The following LPCAT2 variants were observed in gnomAD, a reference collection of about 807,000 sequenced individuals.
LPCAT2 encodes the protein 1-AGP acyltransferase 11.
Under a neutral mutation model 64.7 loss-of-function variants are expected in LPCAT2, and 58 were observed. The ratio of observed to expected loss-of-function variants is 0.90; its 90% confidence interval spans 0.73 to 1.12. The LOEUF (loss-of-function observed/expected upper bound fraction) is 1.12, where lower values mean the gene tolerates loss of function less well. Among genes scored for constraint, LPCAT2 ranks in the 50% most tolerant of loss-of-function variants. The probability of loss-of-function intolerance (pLI) is 0.00; values close to 1 mark genes in which losing one functional copy is unlikely to be tolerated. For missense variants in LPCAT2, 579 were observed against 669.8 expected (o/e 0.86, Z 1.50); for synonymous variants, 252 against 245.3 (o/e 1.03, Z -0.26).
intron 11 of LPCAT2, among the ~76,000 whole-genome samples, chr16:55,561,983 A>G (rs545499773): frequency 6.6e-6 from 1 of 152,172 alleles, no homozygotes; most frequent in Admixed American, 6.5e-5. Flanking sequence ...CCCTAATAAT[A>G]GCTAGAATAA....
chr16:55,579,990 A>G (rs148298905), intron 13 of LPCAT2, among the ~76,000 whole-genome samples: 1 of 152,262 alleles, frequency 6.6e-6, no homozygotes, highest in African/African-American at 2.4e-5. Context: ...TGAGAAACAC[A>G]CCTCAATGGA....
chr16:55,553,636 A>G (rs1963543211), intron 11 of LPCAT2, among the ~76,000 whole-genome samples: 1 of 152,010 alleles, frequency 6.6e-6, no homozygotes, highest in African/African-American at 2.4e-5. Flanking sequence ...CTTCTTCCAA[A>G]CTCCTGTTAA....
At chr16:55,570,404 C>T (rs1963756078) in intron 11 of LPCAT2, among the ~76,000 whole-genome samples, 1 of 152,058 alleles carries the variant, frequency 6.6e-6, no homozygotes, top group Admixed American at 6.6e-5. Context: ...GGGCTGATTG[C>T]TTTGAGCCCA....
At chr16:55,526,943 G>A (rs1247150046) in intron 2 of LPCAT2, among the ~76,000 whole-genome samples, 1 of 152,106 alleles carries the variant, frequency 6.6e-6, no homozygotes, top group Non-Finnish European at 1.5e-5. Flanking sequence ...AGTGTTTAAT[G>A]GCTCAGAATA....
chr16:55,523,499 G>T (rs566178677), intron 1 of LPCAT2, among the ~76,000 whole-genome samples: 1 of 151,746 alleles, frequency 6.6e-6, no homozygotes, highest in East Asian at 1.9e-4. Context: ...TTCATATGAG[G>T]TATAATAGCT....
chr16:55,561,628 G>A (rs1269234805), intron 11 of LPCAT2, among the ~76,000 whole-genome samples: 1 of 151,848 alleles, frequency 6.6e-6, no homozygotes, highest in African/African-American at 2.4e-5. Flanking sequence ...GCACAAGGAG[G>A]CACATTTTAT....
chr16:55,572,449 A>C (rs1963780717), intron 11 of LPCAT2, among the ~76,000 whole-genome samples: 2 of 152,214 alleles, frequency 1.3e-5, no homozygotes, highest in Non-Finnish European at 2.9e-5. Context: ...TTGCAGAAGA[A>C]ATGTATCTAT....
rs764483576 is a variant in LPCAT2, at chr16:55,579,092, C to T, written c.1315-17C>T. The T allele has an allele frequency of 1.8e-5, 29 of 1,610,894 alleles. No individual in the cohort carries two copies. The East Asian group carries it at 4.2e-4, about 24-fold the overall frequency. ...ATGATCCTGAGGGAGCTAATTCTTA[C>T]ATTTTATTTTCTTCAGCTGTTTGAC... On this transcript the variant is annotated splice_polypyrimidine_tract_variant and intron_variant, in intron 12 of 13. Coordinates refer to ENST00000262134, the MANE Select transcript of LPCAT2 (RefSeq NM_017839.5).
At chr16:55,555,239 T>C (rs1236948526) in intron 11 of LPCAT2, among the ~76,000 whole-genome samples, 3 of 152,158 alleles carry the variant, frequency 2.0e-5, no homozygotes, top group African/African-American at 7.2e-5. Flanking sequence ...ACATGAGATA[T>C]GCCTGTATGT....
chr16:55,520,614 TA>T (rs1188642300), intron 1 of LPCAT2, among the ~76,000 whole-genome samples: 1 of 151,954 alleles, frequency 6.6e-6, no homozygotes, highest in Non-Finnish European at 1.5e-5. Context: ...TGCTGGGTCA[TA>T]AAAAACCTCA....
At position 55,569,394 on chromosome 16, in the gene LPCAT2, A is replaced by G. The variant is rs146139808; in HGVS notation, c.1216-5237A>G. Among the ~76,000 whole-genome samples the G allele has an allele frequency of 4.0e-3, 610 of 152,336 alleles. 2 individuals are homozygous for G. Among genetic ancestry groups the G allele is most frequent in the African/African-American group, 0.014 (569 of 41,582 alleles). ...ACCACACATTAATAACAATCTCTCT[A>G]TTTTAGAATAAGTCCAGGAATATGT... On this transcript the variant is annotated intron_variant, in intron 11 of 13. Transcript: ENST00000262134.
At chr16:55,540,950 T>C (rs912884718) in intron 8 of LPCAT2, 1 of 152,792 alleles carries the variant, frequency 6.5e-6, no homozygotes, top group Admixed American at 6.5e-5. Context: ...GTGGTCTCTC[T>C]CTCTCTGTCA....
At position 55,574,819 on chromosome 16, in the gene LPCAT2, A is replaced by G. The variant is rs1312632457; in HGVS notation, c.1314+90A>G. On this transcript the variant is annotated intron_variant, in intron 12 of 13. Coordinates refer to ENST00000262134, the MANE Select transcript of LPCAT2 (RefSeq NM_017839.5). ...TTATTTGAAAATCAGTGAATCTATT[A>G]TGTGATTTTATAGATCTGCTGTGAC... is the stretch of plus-strand genomic sequence containing the variant. The G allele has an allele frequency of 2.7e-5, 25 of 920,224 alleles. No homozygotes were observed. In the Admixed American group the frequency reaches 3.4e-4, roughly 13 times the overall value. 57.0% of individuals were successfully genotyped at this position (920,224 alleles called of 1,614,324 possible). A position where few individuals can be genotyped will look rare whatever the true frequency, so the allele number is the denominator to read the frequency against.
intron 1 of LPCAT2, among the ~76,000 whole-genome samples, chr16:55,512,540 C>T (rs1596842533): frequency 6.6e-6 from 1 of 151,774 alleles, no homozygotes; most frequent in East Asian, 1.9e-4. Flanking sequence ...AAGTTCAAGA[C>T]TATCAAAGTG....
intron 11 of LPCAT2, among the ~76,000 whole-genome samples, chr16:55,554,504 A>G (rs1963553235): frequency 6.6e-6 from 1 of 152,206 alleles, no homozygotes; most frequent in Non-Finnish European, 1.5e-5. Context: ...AGAGAGTTAG[A>G]GCCTTATTCT....
intron 11 of LPCAT2, among the ~76,000 whole-genome samples, chr16:55,563,460 A>G (rs766430623): frequency 1.3e-5 from 2 of 151,960 alleles, no homozygotes; most frequent in Non-Finnish European, 2.9e-5. Context: ...AAAATCAACA[A>G]AATACTAGCA....
intron 8 of LPCAT2, chr16:55,542,046 A>G: frequency 6.9e-6 from 7 of 1,021,636 alleles, no homozygotes; most frequent in Non-Finnish European, 8.8e-6. Context: ...AATCTTCCTC[A>G]TCATTTTTTT....
At chr16:55,525,245 T>C (rs796283933) in intron 1 of LPCAT2, among the ~76,000 whole-genome samples, 2 of 152,122 alleles carry the variant, frequency 1.3e-5, no homozygotes, top group South Asian at 4.1e-4. Flanking sequence ...CCCAGCATTC[T>C]CTATTCACTT....
intron 11 of LPCAT2, among the ~76,000 whole-genome samples, chr16:55,552,821 G>C (rs1390532058): frequency 1.3e-5 from 2 of 152,210 alleles, no homozygotes; most frequent in Admixed American, 6.5e-5. Context: ...TCTTGCCTCA[G>C]TGTTGATGTG....
Sources: allele counts gnomAD v4.1 joint callset (sites outside exome capture counted in the v4.1 genomes callset), GRCh38; gene constraint gnomAD v4.1.1; transcripts MANE v1.5; gene names NCBI Gene and HGNC (gene_info 2026-07-23, HGNC 2026-07-21).